Variants in PXDNL observed in about 807,000 individuals in gnomAD.
The protein encoded by PXDNL is peroxidasin like.
PXDNL carries 145 observed loss-of-function variants against 150.8 expected under a neutral mutation model. The observed-to-expected ratio is 0.96, with a 90% CI of 0.84 to 1.10. PXDNL has a LOEUF of 1.10. Among genes scored for constraint, PXDNL ranks in the 50% least tolerant of loss-of-function variants. The pLI is 0.00. For synonymous variants in PXDNL, 757 were observed against 725.7 expected, an observed-to-expected ratio of 1.04 and a Z score of -0.69; for missense variants, 2,087 against 1,873.9, an observed-to-expected ratio of 1.11 and a Z score of -2.10.
chr8:51,438,106 C>G (rs1809450124), intron 12 of PXDNL, among the ~76,000 whole-genome samples: 1 of 152,064 alleles, frequency 6.6e-6, no homozygotes, highest in Non-Finnish European at 1.5e-5. Context: ...TATACCTAAT[C>G]AAGGAGGTGA....
chr8:51,615,543 G>C (rs1037111612), intron 2 of PXDNL, among the ~76,000 whole-genome samples: 1 of 152,078 alleles, frequency 6.6e-6, no homozygotes, highest in Non-Finnish European at 1.5e-5. Flanking sequence ...GGAAAAGAGA[G>C]GAAAAGGCTG....
At chr8:51,537,840 T>A (rs1812116897) in intron 4 of PXDNL, among the ~76,000 whole-genome samples, 1 of 150,028 alleles carries the variant, frequency 6.7e-6, no homozygotes, top group South Asian at 2.1e-4. Context: ...AAAAAAGAGG[T>A]TTTACCAGTG....
chr8:51,576,480 T>G (rs1813057899), intron 3 of PXDNL, among the ~76,000 whole-genome samples: 1 of 151,218 alleles, frequency 6.6e-6, no homozygotes. Context: ...TAAATCAAAG[T>G]GAAAATACAA....
At position 51,790,411 on chromosome 8, in the gene PXDNL, C is replaced by G. The variant is rs540038855; in HGVS notation, c.164+18770G>C. On this transcript the variant is annotated intron_variant, in intron 1 of 22. Transcript: ENST00000356297. The stretch of plus-strand genomic sequence containing the variant: ...AAACATTAAATTACTCTAAATTTTG[C>G]CTTTAAATTCCTATCTGGTTTGCTA... 2.0e-5 allele frequency among the ~76,000 whole-genome samples: 3 copies of G among 152,258 alleles called. No homozygotes were observed. In the South Asian group the frequency reaches 6.2e-4, roughly 32 times the overall value.
chr8:51,408,486 G>T lies in PXDNL; in HGVS notation c.3138C>A (p.Asn1046Lys), dbSNP rs1291945854. 1 of 1,613,586 alleles carries T rather than the reference G, an allele frequency of 6.2e-7. No individual in the cohort carries two copies. The highest frequency in any genetic ancestry group is 8.5e-7 in the Non-Finnish European group (1 of 1,179,734). Residue 1046 changes from asparagine (N) to lysine (K), a missense_variant, in exon 17 of 23, where the codon AAC (asparagine) becomes AAA (lysine). Asn to Lys is a moderately conservative substitution (Grantham distance 94, BLOSUM62 0). Transcript: ENST00000356297. ...ATCTAAAGGCTGCAGTAGCAAAAGA[G>T]TTAATGATGCCTGCATTCACGTTGG... ...YNPNVNAGII[N>K]SFATAAFRFG...
chr8:51,773,210 T>A (rs1025369249), intron 1 of PXDNL, among the ~76,000 whole-genome samples: 1 of 152,230 alleles, frequency 6.6e-6, no homozygotes, highest in Non-Finnish European at 1.5e-5. Context: ...TATCATTTAA[T>A]CCTCATGACA....
intron 14 of PXDNL, among the ~76,000 whole-genome samples, chr8:51,421,681 A>G (rs1010714040): frequency 7.9e-5 from 12 of 152,384 alleles, no homozygotes; most frequent in Middle Eastern, 6.8e-3. Flanking sequence ...CCTGGGCAAC[A>G]GAGTGAGACT....
intron 4 of PXDNL, among the ~76,000 whole-genome samples, chr8:51,531,448 G>A (rs1811904785): frequency 6.6e-6 from 1 of 152,196 alleles, no homozygotes; most frequent in Non-Finnish European, 1.5e-5. Context: ...AGCCCCTGAG[G>A]GCCACATCTG....
At chr8:51,628,899 A>G (rs1414128839) in intron 2 of PXDNL, among the ~76,000 whole-genome samples, 1 of 148,982 alleles carries the variant, frequency 6.7e-6, no homozygotes, top group East Asian at 1.9e-4. Flanking sequence ...ACAAATCTTG[A>G]AGAGGGGAAA....
intron 2 of PXDNL, among the ~76,000 whole-genome samples, chr8:51,608,046 AAAGAAAGAAAGCAAGCAAGC>A (rs1307051353): frequency 6.3e-4 from 73 of 116,604 alleles, no homozygotes; most frequent in Middle Eastern, 3.9e-3. Flanking sequence ...AGAAAGAAAG[AAAGAAAGAAAGCAAGCAAGC>A]AAGCAAGCAA....
chr8:51,414,963 T>C (rs1808756382), intron 14 of PXDNL, among the ~76,000 whole-genome samples: 1 of 152,206 alleles, frequency 6.6e-6, no homozygotes, highest in Non-Finnish European at 1.5e-5. Context: ...AAGCCAAATT[T>C]TGACAGGAGT....
In PXDNL at chr8:51,735,539, T is replaced by G. The variant is rs1219705827; in HGVS notation, c.164+73642A>C. On this transcript the variant is annotated intron_variant, in intron 1 of 22. Coordinates refer to ENST00000356297, the MANE Select transcript of PXDNL (RefSeq NM_144651.5). Reference sequence around the variant, plus strand: ...TAATTAAAAATTGTTTTTTTTTTTTTTTTTTTTTTTTTTTTTTTTTTTTTT... The same window carrying G: ...TAATTAAAAATTGTTTTTTTTTTTTGTTTTTTTTTTTTTTTTTTTTTTTTT... Among the ~76,000 whole-genome samples the G allele has an allele frequency of 8.9e-4, 104 of 117,396 alleles. 3 individuals are homozygous for G. Among genetic ancestry groups the G allele is most frequent in the African/African-American group, 3.7e-3 (100 of 26,814 alleles). 77.0% of individuals were successfully genotyped at this position (117,396 alleles called of 152,430 possible).
chr8:51,420,520 A>G (rs992660834), intron 14 of PXDNL, among the ~76,000 whole-genome samples: 2 of 152,214 alleles, frequency 1.3e-5, no homozygotes, highest in African/African-American at 2.4e-5. Context: ...TCATATTGAC[A>G]TATAAATGTC....
At chr8:51,647,738 G>C (rs1222519364) in intron 2 of PXDNL, among the ~76,000 whole-genome samples, 1 of 152,032 alleles carries the variant, frequency 6.6e-6, no homozygotes, top group Non-Finnish European at 1.5e-5. Context: ...AGTGTCCTCA[G>C]CTATAATATA....
intron 1 of PXDNL, among the ~76,000 whole-genome samples, chr8:51,720,517 C>T (rs879521926): frequency 4.6e-5 from 7 of 151,996 alleles, no homozygotes; most frequent in Non-Finnish European, 5.9e-5. Context: ...AGAATTTATA[C>T]ATAGTATTTT....
intron 17 of PXDNL, among the ~76,000 whole-genome samples, chr8:51,377,718 C>T (rs990972597): frequency 9.2e-5 from 14 of 152,174 alleles, no homozygotes; most frequent in African/African-American, 2.4e-4. Context: ...GCCAGCGCTG[C>T]GCTCGAATTC....
intron 2 of PXDNL, among the ~76,000 whole-genome samples, chr8:51,629,830 C>T (rs918644133): frequency 1.3e-5 from 2 of 151,648 alleles, no homozygotes; most frequent in African/African-American, 2.4e-5. Flanking sequence ...CAAATGTATC[C>T]CTCGAAAATG....
chr8:51,717,360 A>G (rs1816634967), intron 1 of PXDNL, among the ~76,000 whole-genome samples: 1 of 152,250 alleles, frequency 6.6e-6, no homozygotes, highest in African/African-American at 2.4e-5. Flanking sequence ...GGGAAAAACC[A>G]TTCTAAGGAC....
At chr8:51,542,236 A>G (rs531724812) in intron 4 of PXDNL, among the ~76,000 whole-genome samples, 36 of 152,272 alleles carry the variant, frequency 2.4e-4, no homozygotes, top group Middle Eastern at 6.8e-3. Flanking sequence ...AATATTATCT[A>G]ACAGAACACA....
Sources: allele counts gnomAD v4.1 joint callset (sites outside exome capture counted in the v4.1 genomes callset), GRCh38; gene constraint gnomAD v4.1.1; transcripts MANE v1.5; gene names NCBI Gene and HGNC (gene_info 2026-07-23, HGNC 2026-07-21).